The following ADHFE1 variants were observed in gnomAD, a reference collection of about 807,000 sequenced individuals.
ADHFE1 encodes the protein alcohol dehydrogenase iron containing 1, also known as hydroxyacid-oxoacid transhydrogenase, mitochondrial.
A neutral mutation model predicts 54.8 loss-of-function variants in ADHFE1; 37 were observed. That is an observed-to-expected ratio of 0.68 (90% CI 0.52 to 0.89). The LOEUF (loss-of-function observed/expected upper bound fraction) is 0.89, where lower values mean the gene tolerates loss of function less well. ADHFE1 is among the 40% of genes least tolerant of loss of function. ADHFE1 has a pLI of 0.00. For synonymous variants in ADHFE1, 203 were observed against 229.3 expected, an observed-to-expected ratio of 0.89 and a Z score of 1.04; for missense variants, 601 against 591.2, an observed-to-expected ratio of 1.02 and a Z score of -0.17.
Position 66,464,889 on chromosome 8 carries a change from C to T in ADHFE1, c.1321-3380C>T, listed in dbSNP as rs55731418. On this transcript the variant is annotated intron_variant, in intron 13 of 13. Transcript: ENST00000396623. ...TCCCCGTTCTCCCCTTCTCACAGCCCCTGGGAACCTCTGTCCTACTTTCTG... is the reference window on the plus strand; with the variant it reads ...TCCCCGTTCTCCCCTTCTCACAGCCTCTGGGAACCTCTGTCCTACTTTCTG... Among the ~76,000 whole-genome samples, 800 of 152,238 alleles carry T rather than the reference C, an allele frequency of 5.3e-3. 6 individuals carry two copies. Among genetic ancestry groups the T allele is most frequent in the African/African-American group, 0.018 (753 of 41,526 alleles).
intron 13 of ADHFE1, among the ~76,000 whole-genome samples, chr8:66,464,059 G>A (rs555538501): frequency 1.5e-4 from 23 of 152,340 alleles, no homozygotes; most frequent in African/African-American, 5.1e-4. Context: ...ACCCAAATGA[G>A]CACTTCCACT....
In ADHFE1 at chr8:66,440,207, T is replaced by TTC. The variant is rs745482325; in HGVS notation, c.97+10_97+11dup. On this transcript the variant is annotated intron_variant, in intron 2 of 13. Coordinates refer to ENST00000396623, the MANE Select transcript of ADHFE1 (RefSeq NM_144650.3). ...CTCATACTTACTCCCAAGGTAATAC[T>TTC]TCTGTATTTTTAAACTAGCCACAAT... 9.7e-6 allele frequency: 15 copies of TTC among 1,545,804 alleles called. No individual in the cohort carries two copies. The South Asian group carries it at 1.7e-4, about 17-fold the overall frequency.
chr8:66,453,483 G>A (rs935111768), intron 9 of ADHFE1, among the ~76,000 whole-genome samples: 1 of 152,152 alleles, frequency 6.6e-6, no homozygotes, highest in Non-Finnish European at 1.5e-5. Context: ...ATCAGAAAGG[G>A]GCTTTTGAGA....
intron 7 of ADHFE1, 32 bp downstream of exon 7, chr8:66,447,373 A>G (rs770677578): frequency 1.4e-6 from 2 of 1,476,218 alleles, no homozygotes; most frequent in Non-Finnish European, 9.5e-7. Flanking sequence ...TATCTCCCTT[A>G]CCTTTCAACT....
intron 1 of ADHFE1, among the ~76,000 whole-genome samples, chr8:66,434,977 T>TC (rs1403457661): frequency 1.0e-4 from 10 of 96,764 alleles, no homozygotes; most frequent in Middle Eastern, 6.4e-3. Flanking sequence ...AGACTGTGTC[T>TC]CAAAAAAAAA....
intron 12 of ADHFE1, among the ~76,000 whole-genome samples, chr8:66,457,874 G>A (rs1806676785): frequency 6.6e-6 from 1 of 152,206 alleles, no homozygotes; most frequent in Admixed American, 6.5e-5. Context: ...ATAATAAAAT[G>A]AATCTGTATC....
rs1002025787 is a variant in ADHFE1, at chr8:66,460,217, G to T, written c.1163-91G>T. The T allele has an allele frequency of 2.7e-6, 4 of 1,506,184 alleles. No homozygotes were observed. The Admixed American group carries it at 6.9e-5, about 26-fold the overall frequency. 93.3% of individuals were successfully genotyped at this position (1,506,184 alleles called of 1,614,324 possible). On this transcript the variant is annotated intron_variant, in intron 12 of 13. Coordinates refer to ENST00000396623, the MANE Select transcript of ADHFE1 (RefSeq NM_144650.3). ...TGGGCGTTAGGGAGACCCCGTGGGTGTGCATGGTGTATTCACTGATCTTGT... is the reference window on the plus strand; with the variant it reads ...TGGGCGTTAGGGAGACCCCGTGGGTTTGCATGGTGTATTCACTGATCTTGT...
intron 13 of ADHFE1, among the ~76,000 whole-genome samples, chr8:66,463,177 G>C (rs6472277): frequency 7.7e-4 from 117 of 152,248 alleles, no homozygotes; most frequent in African/African-American, 2.4e-3. Flanking sequence ...CTTAACATTT[G>C]AGACCACTAA....
intron 13 of ADHFE1, among the ~76,000 whole-genome samples, chr8:66,467,655 C>T (rs1187657111): frequency 1.3e-5 from 2 of 152,044 alleles, no homozygotes; most frequent in African/African-American, 4.8e-5. Flanking sequence ...CATTTTAGCC[C>T]CTGTCCCCGA....
Position 66,449,995 on chromosome 8 carries a change from T to A in ADHFE1, c.734+1025T>A, listed in dbSNP as rs904369158. On this transcript the variant is annotated intron_variant, in intron 8 of 13. Transcript: ENST00000396623. ...CAAATTAGTCAAGCATGGTGGCACA[T>A]GCCTGCACATCCCTGTACAGTGACT... Among the ~76,000 whole-genome samples, 7 of 152,328 alleles carry A rather than the reference T, an allele frequency of 4.6e-5. No homozygotes were observed. The South Asian group carries it at 1.2e-3, about 27-fold the overall frequency.
chr8:66,449,617 A>G (rs1806200103), intron 8 of ADHFE1, among the ~76,000 whole-genome samples: 1 of 152,046 alleles, frequency 6.6e-6, no homozygotes, highest in African/African-American at 2.4e-5. Context: ...ATGGCCCCCT[A>G]ATCAGTATTT....
intron 13 of ADHFE1, among the ~76,000 whole-genome samples, chr8:66,466,645 G>A (rs1443160484): frequency 6.6e-6 from 1 of 152,206 alleles, no homozygotes; most frequent in African/African-American, 2.4e-5. Flanking sequence ...ACCTTCTAGT[G>A]AGGGGAGACA....
At chr8:66,468,167 C>CA (rs1807301791) in intron 13 of ADHFE1, 102 bp from the exon 14 acceptor site, 1 of 800,780 alleles carries the variant, frequency 1.2e-6, no homozygotes, top group Admixed American at 2.6e-5. Context: ...TGGCGTTTAT[C>CA]AAGTCATTGA....
Position 66,462,282 on chromosome 8 carries a change from A to C in ADHFE1, c.1320+1817A>C, listed in dbSNP as rs1586488874. 2.0e-5 allele frequency among the ~76,000 whole-genome samples: 3 copies of C among 152,094 alleles called. No individual in the cohort carries two copies. The East Asian group carries it at 5.8e-4, about 29-fold the overall frequency. ...GAGTGGTCATAGTGATTTTTTCCGG[A>C]GGGAGGGACAGGGCTGGAGTGCAGT... On this transcript the variant is annotated intron_variant, in intron 13 of 13. Transcript: ENST00000396623.
chr8:66,445,513 C>G (rs1365274808), intron 6 of ADHFE1, 99 bp downstream of exon 6: 4 of 1,207,452 alleles, frequency 3.3e-6, no homozygotes, highest in Non-Finnish European at 4.5e-6. Context: ...ATTTCGAAAG[C>G]TTTCTGGTTT....
At position 66,439,858 on chromosome 8, in the gene ADHFE1, T is replaced by C. The variant is rs192577616; in HGVS notation, c.60-304T>C. On this transcript the variant is annotated intron_variant, in intron 1 of 13. Coordinates refer to ENST00000396623, the MANE Select transcript of ADHFE1 (RefSeq NM_144650.3). This position sits in a 1 kb window ranked among gnomAD's most constrained non-coding sequence, Gnocchi z 4.4. Reference sequence around the variant, plus strand: ...TCATGGAGACCAGAGACCCCCATCTTAAACTTGCATGTACCCCCAGAGCGT... The same window carrying C: ...TCATGGAGACCAGAGACCCCCATCTCAAACTTGCATGTACCCCCAGAGCGT... The C allele has an allele frequency of 2.2e-6, 2 of 904,328 alleles. No homozygotes were observed. The highest frequency in any genetic ancestry group is 8.9e-5 in the East Asian group (2 of 22,594). 56.0% of individuals were successfully genotyped at this position (904,328 alleles called of 1,614,324 possible). A position where few individuals can be genotyped will look rare whatever the true frequency, so the allele number is the denominator to read the frequency against.
intron 10 of ADHFE1, 126 bp downstream of exon 10, chr8:66,454,283 T>C (rs1806457293): frequency 1.2e-6 from 1 of 860,660 alleles, no homozygotes; most frequent in Admixed American, 3.1e-5. Context: ...AACTTTATGT[T>C]CCTAAATGTA....
rs1805959140 is a variant in ADHFE1 at position 66,445,096 on chromosome 8, G to A, written c.354-122G>A. 2.4e-5 allele frequency: 23 copies of A among 954,764 alleles called. 1 individual carries two copies. Among genetic ancestry groups the A allele is most frequent in the Middle Eastern group, 3.4e-4 (1 of 2,950 alleles). The allele number at this position is 954,764 out of a possible 1,614,324, so 59.1% of individuals were successfully genotyped here. A position where few individuals can be genotyped will look rare whatever the true frequency, so the allele number is the denominator to read the frequency against. On this transcript the variant is annotated intron_variant, in intron 5 of 13. Coordinates refer to ENST00000396623, the MANE Select transcript of ADHFE1 (RefSeq NM_144650.3). ...AGCCTGGGCAACAGAATGAGACTCCGTCTCAAAAAAAAAACAAAAACAAAA... is the reference window on the plus strand; with the variant it reads ...AGCCTGGGCAACAGAATGAGACTCCATCTCAAAAAAAAAACAAAAACAAAA...
intron 13 of ADHFE1, 39 bp downstream of exon 13, chr8:66,460,504 C>A (rs908018692): frequency 2.0e-6 from 3 of 1,523,662 alleles, no homozygotes; most frequent in Non-Finnish European, 2.6e-6. Context: ...TGCGAAGGAG[C>A]CTAGCGCCTC....
Sources: allele counts gnomAD v4.1 joint callset (sites outside exome capture counted in the v4.1 genomes callset), GRCh38; gene constraint gnomAD v4.1.1; non-coding constraint Gnocchi (gnomAD v3.1); transcripts MANE v1.5; gene names NCBI Gene and HGNC (gene_info 2026-07-23, HGNC 2026-07-21).